Variants in GGNBP2 observed in about 807,000 individuals in gnomAD.
GGNBP2 encodes gametogenetin-binding protein 2.
Under a neutral mutation model 85.9 loss-of-function variants are expected in GGNBP2, and 10 were observed. That is an observed-to-expected ratio of 0.12 (90% CI 0.07 to 0.20). The LOEUF (loss-of-function observed/expected upper bound fraction) is 0.20. Ranked by LOEUF, GGNBP2 falls within the 10% of genes least tolerant of loss-of-function variation. The probability of loss-of-function intolerance (pLI) is 1.00; values close to 1 mark genes in which losing one functional copy is unlikely to be tolerated. For missense variants in GGNBP2, 595 were observed against 857.8 expected, an observed-to-expected ratio of 0.69 and a Z score of 3.83; for synonymous variants, 287 against 285.7, an observed-to-expected ratio of 1.00 and a Z score of -0.05.
At chr17:36,569,525 A>G (rs1176232583) in intron 6 of GGNBP2, among the ~76,000 whole-genome samples, 1 of 152,236 alleles carries the variant, frequency 6.6e-6, no homozygotes, top group Non-Finnish European at 1.5e-5. Context: ...TTTGAGGCAG[A>G]TATACACAAT....
intron 6 of GGNBP2, among the ~76,000 whole-genome samples, chr17:36,571,663 A>T (rs2074526066): frequency 2.0e-5 from 3 of 150,312 alleles, no homozygotes; most frequent in African/African-American, 7.4e-5. Flanking sequence ...AACACTGTGA[A>T]ACCCCATCTC....
chr17:36,579,711 A>G (rs1374261002), intron 8 of GGNBP2, among the ~76,000 whole-genome samples: 2 of 152,228 alleles, frequency 1.3e-5, no homozygotes, highest in Non-Finnish European at 2.9e-5. Context: ...AGATGCTGCT[A>G]TGAAACATAA....
intron 6 of GGNBP2, chr17:36,576,629 G>GTGTGTGTGTGTGTGTGTGTGTATA (rs1203227585): frequency 9.0e-6 from 1 of 111,082 alleles, no homozygotes; most frequent in African/African-American, 4.0e-5. Context: ...GTGTGTGTGT[G>GTGTGTGTGTGTGTGTGTGTGTATA]TATATGTATA....
rs560708320 is a variant in GGNBP2, at chr17:36,587,376, T to C, written c.1890+131T>C. On this transcript the variant is annotated intron_variant, in intron 13 of 13. Transcript: ENST00000613102. ...TGAGAAATTAAGGGTAGTATTTCATTATTGTTTGGGGACTTCATTTCTGTC... is the reference window on the plus strand; with the variant it reads ...TGAGAAATTAAGGGTAGTATTTCATCATTGTTTGGGGACTTCATTTCTGTC... The C allele has an allele frequency of 2.6e-5, 25 of 971,458 alleles. No homozygotes were observed. In the South Asian group the frequency reaches 3.8e-4, roughly 15 times the overall value. The allele number at this position is 971,458 out of a possible 1,614,324, so 60.2% of individuals were successfully genotyped here. A position where few individuals can be genotyped will look rare whatever the true frequency, so the allele number is the denominator to read the frequency against.
chr17:36,579,211 A>G (rs1208489705), intron 7 of GGNBP2, 34 bp from the exon 8 acceptor site: 1 of 1,576,076 alleles, frequency 6.3e-7, no homozygotes. Flanking sequence ...TGTTTCAGTT[A>G]AAGGTATTAG....
intron 12 of GGNBP2, 111 bp downstream of exon 12, chr17:36,586,309 A>G: frequency 7.3e-7 from 1 of 1,376,458 alleles, no homozygotes; most frequent in Non-Finnish European, 9.6e-7. Context: ...TTTTTTTAGA[A>G]TGAGTTCTTT....
At chr17:36,575,648 A>ATTTTTTTTTTTTT (rs71274856) in intron 6 of GGNBP2, among the ~76,000 whole-genome samples, 2 of 54,914 alleles carry the variant, frequency 3.6e-5, no homozygotes, top group South Asian at 8.3e-4. Flanking sequence ...ATATATATAT[A>ATTTTTTTTTTTTT]TTTTTTTTTT....
intron 9 of GGNBP2, among the ~76,000 whole-genome samples, chr17:36,583,465 G>GTTT: frequency 6.6e-6 from 1 of 152,036 alleles, no homozygotes; most frequent in South Asian, 2.1e-4. Context: ...GGTAGGAAAA[G>GTTT]TATTTTATTT....
chr17:36,549,165 A>C (rs570098114), intron 2 of GGNBP2, among the ~76,000 whole-genome samples: 1 of 152,164 alleles, frequency 6.6e-6, no homozygotes, highest in South Asian at 2.1e-4. Flanking sequence ...AAAATAACAG[A>C]TAGAATACAT....
chr17:36,547,139 T>A (rs2074262986), intron 2 of GGNBP2: 1 of 152,238 alleles, frequency 6.6e-6, no homozygotes, highest in East Asian at 1.9e-4. Flanking sequence ...TTATGATTTC[T>A]GTACTTTTTG....
intron 2 of GGNBP2, 39 bp from the exon 3 acceptor site, chr17:36,554,781 G>T: frequency 8.2e-7 from 1 of 1,218,596 alleles, no homozygotes; most frequent in South Asian, 1.2e-5. Context: ...GTTCTCAGAG[G>T]GGTAAAGTAA....
At chr17:36,588,888 A>G (rs1481552812) in intron 13 of GGNBP2, among the ~76,000 whole-genome samples, 2 of 152,234 alleles carry the variant, frequency 1.3e-5, no homozygotes, top group East Asian at 3.8e-4. Flanking sequence ...ACGTCTGGCT[A>G]CTTAAAATAT....
At chr17:36,585,721 G>A (rs2074694352) in intron 10 of GGNBP2, 119 bp from the exon 11 acceptor site, 1 of 831,386 alleles carries the variant, frequency 1.2e-6, no homozygotes, top group Non-Finnish European at 1.8e-6. Flanking sequence ...CATTGGAAAT[G>A]TTCTACTTTT....
At chr17:36,568,277 AG>A (rs762545366) in intron 6 of GGNBP2, among the ~76,000 whole-genome samples, 16 of 151,254 alleles carry the variant, frequency 1.1e-4, no homozygotes, top group Non-Finnish European at 2.4e-4. Context: ...GTGTTAAGCC[AG>A]CATCTCCTAT....
chr17:36,578,047 T>G lies in GGNBP2; in HGVS notation c.706T>G (p.Cys236Gly). Residue 236 changes from cysteine (C) to glycine (G), a missense_variant, in exon 7 of 14, where the codon TGC (cysteine) becomes GGC (glycine). This residue lies in a region of GGNBP2 where 216 missense variants were observed against 293.4 expected (regional missense o/e 0.74). Transcript: ENST00000613102. ...CAATATCCTTATTGGTGAACTTGAC[T>G]GCAGCAAAGAAAAGGGCTACTGTGC... Reference protein sequence around the residue: ...AYNILIGELDCSKEKGYCAAL... With the variant: ...AYNILIGELDGSKEKGYCAAL... The G allele has an allele frequency of 6.2e-7, 1 of 1,614,214 alleles. No homozygotes were observed. Among genetic ancestry groups the G allele is most frequent in the East Asian group, 2.2e-5 (1 of 44,882 alleles).
chr17:36,562,329 G>A (rs2074425349), intron 5 of GGNBP2, among the ~76,000 whole-genome samples: 1 of 151,830 alleles, frequency 6.6e-6, no homozygotes, highest in Admixed American at 6.6e-5. Flanking sequence ...ACCACTCCTG[G>A]CTAATTTTTT....
chr17:36,581,606 G>A (rs931953226), intron 9 of GGNBP2, 68 bp downstream of exon 9: 6 of 1,224,096 alleles, frequency 4.9e-6, no homozygotes, highest in African/African-American at 4.6e-5. Context: ...CAGGCCAGGT[G>A]TGGTGGCTCA....
intron 5 of GGNBP2, among the ~76,000 whole-genome samples, chr17:36,561,546 A>G (rs1371255987): frequency 6.6e-6 from 1 of 152,172 alleles, no homozygotes; most frequent in Non-Finnish European, 1.5e-5. Flanking sequence ...TCTAGCTGTA[A>G]TTTACCAAGG....
chr17:36,552,079 G>A (rs1219959189), intron 2 of GGNBP2, among the ~76,000 whole-genome samples: 1 of 152,108 alleles, frequency 6.6e-6, no homozygotes, highest in Non-Finnish European at 1.5e-5. Context: ...ACGGCTATTG[G>A]TATGTGGTGA....
Sources: allele counts gnomAD v4.1 joint callset (sites outside exome capture counted in the v4.1 genomes callset), GRCh38; gene constraint gnomAD v4.1.1; regional missense constraint gnomAD v4.1.1; transcripts MANE v1.5; gene names NCBI Gene and HGNC (gene_info 2026-07-23, HGNC 2026-07-21).